RERE: variants seen among roughly 807,000 people sequenced by gnomAD.
RERE encodes arginine-glutamic acid dipeptide repeats.
RERE carries 40 observed loss-of-function variants against 146.1 expected under a neutral mutation model. The ratio of observed to expected loss-of-function variants is 0.27; its 90% CI spans 0.21 to 0.36. The LOEUF (loss-of-function observed/expected upper bound fraction) is 0.36. RERE is among the 10% of genes least tolerant of loss of function. The pLI is 1.00. For synonymous variants in RERE, 1,003 were observed against 866.0 expected (o/e 1.16, Z -2.78); for missense variants, 1,933 against 2,138.7 (o/e 0.90, Z 1.90).
At chr1:8,585,454 TA>T (rs895579319) in intron 4 of RERE, among the ~76,000 whole-genome samples, 3 of 152,198 alleles carry the variant, frequency 2.0e-5, no homozygotes, top group African/African-American at 7.2e-5. Flanking sequence ...TGTTCTAGAT[TA>T]TGCTCTTGCG....
chr1:8,775,871 G>A (rs1641054363), intron 1 of RERE, among the ~76,000 whole-genome samples: 1 of 152,160 alleles, frequency 6.6e-6, no homozygotes, highest in Non-Finnish European at 1.5e-5. Flanking sequence ...TATCGAGGAA[G>A]CTGAGGCCCA....
rs1419321167 is a variant in RERE, at chr1:8,774,947, CTTTCTTTTTTTTTTTTTTTTTTT to C, written c.-145+42190_-145+42212del. Among the ~76,000 whole-genome samples the C allele has an allele frequency of 9.9e-5, 11 of 111,498 alleles. No individual in the cohort carries two copies. The Admixed American group carries it at 1.2e-3, about 12-fold the overall frequency. The allele number at this position is 111,498 out of a possible 152,430, so 73.1% of individuals were successfully genotyped here. On this transcript the variant is annotated intron_variant, in intron 1 of 22. Coordinates refer to ENST00000400908, the MANE Select transcript of RERE (RefSeq NM_001042681.2). ...CCTTTCATAGTAGCATTTCTTCTTT[CTTTCTTTTTTTTTTTTTTTTTTT>C]TTTTTTTTTTTGAAACAGTCTCACT...
At chr1:8,706,732 C>T (rs1639568072) in intron 1 of RERE, among the ~76,000 whole-genome samples, 1 of 152,070 alleles carries the variant, frequency 6.6e-6, no homozygotes, top group African/African-American at 2.4e-5. Context: ...AGTAACAGAC[C>T]TGACATGGAA....
intron 1 of RERE, among the ~76,000 whole-genome samples, chr1:8,736,585 T>C (rs1469934689): frequency 6.6e-6 from 1 of 152,116 alleles, no homozygotes; most frequent in Admixed American, 6.5e-5. Flanking sequence ...TTTTATCAAC[T>C]TCAAAACAAT....
At chr1:8,580,367 G>A (rs72867570) in intron 4 of RERE, among the ~76,000 whole-genome samples, 2,730 of 152,270 alleles carry the variant, frequency 0.018, 101 homozygotes, top group African/African-American at 0.063. Context: ...AACTCTGAAC[G>A]TGCTAGACGA....
chr1:8,722,876 T>C (rs1243342353), intron 1 of RERE, among the ~76,000 whole-genome samples: 19 of 152,116 alleles, frequency 1.2e-4, no homozygotes, highest in Admixed American at 1.2e-3. Context: ...CTGGAACCAA[T>C]CCCCCACGAA....
At chr1:8,700,581 T>C (rs1317130893) in intron 1 of RERE, among the ~76,000 whole-genome samples, 2 of 152,218 alleles carry the variant, frequency 1.3e-5, no homozygotes, top group African/African-American at 4.8e-5. Flanking sequence ...ACCCAGCCCA[T>C]GGCCAAACTG....
At chr1:8,501,136 C>A (rs1333377490) in intron 8 of RERE, among the ~76,000 whole-genome samples, 37 of 146,054 alleles carry the variant, frequency 2.5e-4, no homozygotes, top group African/African-American at 9.0e-4. Context: ...CCCCTCTGCC[C>A]GGCCAGCTGC....
chr1:8,698,128 T>C (rs1022051658), intron 1 of RERE, among the ~76,000 whole-genome samples: 2 of 152,116 alleles, frequency 1.3e-5, no homozygotes, highest in African/African-American at 2.4e-5. Context: ...AGCTGGTGAG[T>C]AAAACAAAAA....
intron 11 of RERE, among the ~76,000 whole-genome samples, chr1:8,464,535 C>G (rs1371889769): frequency 6.6e-6 from 1 of 152,214 alleles, no homozygotes; most frequent in Non-Finnish European, 1.5e-5. Context: ...GGGCACATCA[C>G]CATGCCCTGA....
chr1:8,600,997 G>A (rs906684137), intron 4 of RERE, among the ~76,000 whole-genome samples: 2 of 138,460 alleles, frequency 1.4e-5, no homozygotes, highest in African/African-American at 2.8e-5. Context: ...CTTGTGATCC[G>A]CCTGCCTCGG....
At chr1:8,370,776 G>C (rs149024069) in intron 12 of RERE, among the ~76,000 whole-genome samples, 2 of 152,338 alleles carry the variant, frequency 1.3e-5, no homozygotes, top group African/African-American at 4.8e-5. Flanking sequence ...AACATGCATA[G>C]TGTGTGCTGC....
chr1:8,661,946 G>A (rs777124370), intron 1 of RERE, among the ~76,000 whole-genome samples: 15 of 152,172 alleles, frequency 9.9e-5, no homozygotes, highest in Non-Finnish European at 2.2e-4. Context: ...GAGTGCAGAG[G>A]ATATTCAAAA....
chr1:8,631,395 T>C (rs1340776808), intron 2 of RERE, among the ~76,000 whole-genome samples: 3 of 152,124 alleles, frequency 2.0e-5, no homozygotes, highest in Admixed American at 1.3e-4. Context: ...GCATGAAACC[T>C]TGTCTCTTAA....
intron 15 of RERE, 96 bp from the exon 16 acceptor site, chr1:8,362,940 C>G: frequency 7.3e-7 from 1 of 1,366,994 alleles, no homozygotes; most frequent in South Asian, 1.4e-5. Flanking sequence ...GAAGGCACAC[C>G]CTATCAGCCT....
At chr1:8,816,183 C>A (rs1397484403) in intron 1 of RERE, among the ~76,000 whole-genome samples, 1 of 152,180 alleles carries the variant, frequency 6.6e-6, no homozygotes, top group African/African-American at 2.4e-5. Context: ...TCAATTCCTG[C>A]TATATTAAAA....
At position 8,364,233 on chromosome 1, in the gene RERE, T is replaced by C; in HGVS notation, c.1563A>G (p.Gly521=). ...TGCAAAGCAGGATGTTCTCCCGGCCTCCGTGGTGCCAATCTTTGGAGGCTG... is the reference window on the plus strand; with the variant it reads ...TGCAAAGCAGGATGTTCTCCCGGCCCCCGTGGTGCCAATCTTTGGAGGCTG... ...FTTTSKDWHH[G]GRENILLCTD... is the part of the protein sequence containing the mutation. Residue 521 remains glycine (G), a synonymous_variant, in exon 15 of 23, where the codon GGA becomes GGG. Coordinates refer to ENST00000400908, the MANE Select transcript of RERE (RefSeq NM_001042681.2). The surrounding 1 kb of genome is among the most constrained non-coding windows in gnomAD (Gnocchi z 5.1). 1 of 1,614,156 alleles carries C rather than the reference T, an allele frequency of 6.2e-7. No individual in the cohort carries two copies. The highest frequency in any genetic ancestry group is 8.5e-7 in the Non-Finnish European group (1 of 1,180,020).
chr1:8,404,632 T>C (rs1453068303), intron 12 of RERE, among the ~76,000 whole-genome samples: 4 of 152,198 alleles, frequency 2.6e-5, no homozygotes, highest in African/African-American at 9.7e-5. Flanking sequence ...GAGATTACTC[T>C]CCCACAGTAA....
intron 12 of RERE, among the ~76,000 whole-genome samples, chr1:8,414,692 A>G: frequency 6.6e-6 from 1 of 151,900 alleles, no homozygotes; most frequent in East Asian, 1.9e-4. Flanking sequence ...CGGTGGGGGG[A>G]AGAAACATGG....
Sources: allele counts gnomAD v4.1 joint callset (sites outside exome capture counted in the v4.1 genomes callset), GRCh38; gene constraint gnomAD v4.1.1; non-coding constraint Gnocchi (gnomAD v3.1); transcripts MANE v1.5; gene names NCBI Gene and HGNC (gene_info 2026-07-23, HGNC 2026-07-21).